SORCS2: variants seen among roughly 807,000 people sequenced by gnomAD.
The protein encoded by SORCS2 is sortilin related VPS10 domain containing receptor 2.
Under a neutral mutation model 141.6 loss-of-function variants are expected in SORCS2, and 100 were observed. The observed-to-expected ratio is 0.71, with a 90% CI of 0.60 to 0.83. SORCS2 has a LOEUF of 0.83. Ranked by LOEUF, SORCS2 falls within the 40% of genes least tolerant of loss-of-function variation. The pLI is 0.00. For missense variants in SORCS2, 1,646 were observed against 1,560.2 expected (o/e 1.05, Z -0.93); for synonymous variants, 789 against 676.9 (o/e 1.17, Z -2.57).
intron 10 of SORCS2, among the ~76,000 whole-genome samples, chr4:7,688,746 C>A (rs750112864): frequency 5.9e-5 from 9 of 152,188 alleles, no homozygotes; most frequent in Non-Finnish European, 1.0e-4. Context: ...GAGTCATTAC[C>A]CCACAAAGCC....
chr4:7,260,866 C>A (rs549685166), intron 1 of SORCS2, among the ~76,000 whole-genome samples: 1 of 152,354 alleles, frequency 6.6e-6, no homozygotes, highest in South Asian at 2.1e-4. Context: ...TTCTTACAAC[C>A]TCCCCCGAGC....
At chr4:7,720,892 C>T (rs1480517029) in intron 18 of SORCS2, among the ~76,000 whole-genome samples, 2 of 152,212 alleles carry the variant, frequency 1.3e-5, no homozygotes, top group Admixed American at 1.3e-4. Flanking sequence ...GCTGGGGAGA[C>T]TGGAGAATGC....
intron 1 of SORCS2, among the ~76,000 whole-genome samples, chr4:7,302,562 C>A (rs1201411750): frequency 1.3e-5 from 2 of 152,180 alleles, no homozygotes; most frequent in African/African-American, 4.8e-5. Flanking sequence ...AAACTGCAAC[C>A]CAGGGCCCTC....
At chr4:7,501,233 G>A (rs1366987195) in intron 2 of SORCS2, among the ~76,000 whole-genome samples, 13 of 152,274 alleles carry the variant, frequency 8.5e-5, no homozygotes, top group Non-Finnish European at 7.4e-5. Flanking sequence ...TCGGTCCCAC[G>A]CCCTCGTGGG....
intron 2 of SORCS2, among the ~76,000 whole-genome samples, chr4:7,482,903 A>T (rs1730741314): frequency 6.6e-6 from 1 of 152,224 alleles, no homozygotes; most frequent in Non-Finnish European, 1.5e-5. Flanking sequence ...CTCCCTCTGA[A>T]ATTCACACCA....
chr4:7,624,054 A>T (rs1719372955), intron 3 of SORCS2, among the ~76,000 whole-genome samples: 1 of 152,220 alleles, frequency 6.6e-6, no homozygotes, highest in African/African-American at 2.4e-5. Context: ...GGTGGTTGAA[A>T]ATATGAAGAA....
intron 3 of SORCS2, among the ~76,000 whole-genome samples, chr4:7,545,775 C>CT (rs1713210877): frequency 6.6e-6 from 1 of 152,244 alleles, no homozygotes; most frequent in African/African-American, 2.4e-5. Flanking sequence ...CTTCTGCTGC[C>CT]TCTGTCTTCA....
chr4:7,637,319 G>GC (rs35027631), intron 3 of SORCS2, among the ~76,000 whole-genome samples: 126,949 of 152,116 alleles, frequency 0.83, 53,275 homozygotes, highest in East Asian at 0.96. Context: ...CCTCGGGCCT[G>GC]CCCTGAGTTC....
chr4:7,429,389 C>T lies in SORCS2; in HGVS notation c.548+33034C>T, dbSNP rs373792554. ...ATTTACCAGGTCCCATCGCCTCTTC[C>T]GCCCTAAGGGCATTTGGTGAGGAAG... On this transcript the variant is annotated intron_variant, in intron 2 of 26. Coordinates refer to ENST00000507866, the MANE Select transcript of SORCS2 (RefSeq NM_020777.3). Among the ~76,000 whole-genome samples, 116 of 152,354 alleles carry T rather than the reference C, an allele frequency of 7.6e-4. No homozygotes were observed. The South Asian group carries it at 0.017, about 22-fold the overall frequency.
intron 1 of SORCS2, among the ~76,000 whole-genome samples, chr4:7,307,238 G>C (rs182383444): frequency 6.6e-6 from 1 of 152,176 alleles, no homozygotes; most frequent in Admixed American, 6.5e-5. Context: ...TGCTGTGCCC[G>C]GGAGGGATCG....
intron 2 of SORCS2, among the ~76,000 whole-genome samples, chr4:7,480,413 C>G (rs1271602937): frequency 6.6e-6 from 1 of 151,828 alleles, no homozygotes; most frequent in Non-Finnish European, 1.5e-5. Flanking sequence ...AGAGCCAGCA[C>G]AGCAATTCAC....
chr4:7,726,928 G>C (rs1229469230), intron 21 of SORCS2, 25 bp downstream of exon 21: 1 of 1,604,876 alleles, frequency 6.2e-7, no homozygotes, highest in Non-Finnish European at 8.5e-7. Flanking sequence ...GGGTCTGGCA[G>C]CACGGCCTCT....
intron 2 of SORCS2, among the ~76,000 whole-genome samples, chr4:7,443,016 T>C (rs985252494): frequency 6.6e-6 from 1 of 152,184 alleles, no homozygotes; most frequent in Admixed American, 6.5e-5. Flanking sequence ...AGCCTCTGCC[T>C]CTGTTGTGGC....
At chr4:7,268,590 G>A (rs939008331) in intron 1 of SORCS2, among the ~76,000 whole-genome samples, 1 of 152,220 alleles carries the variant, frequency 6.6e-6, no homozygotes. Context: ...GTCCTGCTGG[G>A]TATCAGGGGC....
At position 7,363,306 on chromosome 4, in the gene SORCS2, A is replaced by G. The variant is rs902436878; in HGVS notation, c.481-32982A>G. ...TATCATCATTACCACCACTACCTTC[A>G]CTGCCATCATTACTACCATCACCAT... is the stretch of plus-strand genomic sequence containing the variant. On this transcript the variant is annotated intron_variant, in intron 1 of 26. Transcript: ENST00000507866. 3.4e-4 allele frequency among the ~76,000 whole-genome samples: 51 copies of G among 151,966 alleles called. No individual in the cohort carries two copies. In the South Asian group the frequency reaches 4.0e-3, roughly 12 times the overall value.
intron 2 of SORCS2, among the ~76,000 whole-genome samples, chr4:7,510,028 A>G (rs1262145514): frequency 1.3e-5 from 2 of 152,240 alleles, no homozygotes; most frequent in Non-Finnish European, 2.9e-5. Flanking sequence ...TTAATTTAAT[A>G]GACTGTAACT....
At chr4:7,464,415 G>T (rs1210841495) in intron 2 of SORCS2, among the ~76,000 whole-genome samples, 2 of 152,324 alleles carry the variant, frequency 1.3e-5, no homozygotes, top group Admixed American at 6.5e-5. Flanking sequence ...GGTCTATTCA[G>T]GGAAAAGGGA....
chr4:7,262,881 A>G (rs962089316), intron 1 of SORCS2, among the ~76,000 whole-genome samples: 4 of 152,184 alleles, frequency 2.6e-5, no homozygotes, highest in Admixed American at 2.6e-4. Context: ...CAGCCCAGAC[A>G]TTCTTGGGAA....
chr4:7,210,640 C>T (rs1242357983), intron 1 of SORCS2, among the ~76,000 whole-genome samples: 1 of 152,206 alleles, frequency 6.6e-6, no homozygotes, highest in Non-Finnish European at 1.5e-5. Flanking sequence ...TGGTTGGTGA[C>T]AATCCCAACT....
Sources: allele counts gnomAD v4.1 joint callset (sites outside exome capture counted in the v4.1 genomes callset), GRCh38; gene constraint gnomAD v4.1.1; transcripts MANE v1.5; gene names NCBI Gene and HGNC (gene_info 2026-07-23, HGNC 2026-07-21).